The following ARSG variants were observed in gnomAD, a reference collection of about 807,000 sequenced individuals.
The protein encoded by ARSG is ASG.
Under a neutral mutation model 50.5 loss-of-function variants are expected in ARSG, and 37 were observed. The ratio of observed to expected loss-of-function variants is 0.73; its 90% CI spans 0.56 to 0.96. The LOEUF (loss-of-function observed/expected upper bound fraction) is 0.96. Among genes scored for constraint, ARSG ranks in the 50% least tolerant of loss-of-function variants. The pLI, the probability that ARSG is intolerant of heterozygous loss-of-function variation, is 0.00. For synonymous variants in ARSG, 225 were observed against 254.6 expected (o/e 0.88, Z 1.11); for missense variants, 629 against 675.3 (o/e 0.93, Z 0.76).
chr17:68,358,650 C>T (rs2079142517), intron 6 of ARSG, among the ~76,000 whole-genome samples: 2 of 151,856 alleles, frequency 1.3e-5, no homozygotes, highest in African/African-American at 2.4e-5. Flanking sequence ...GATTGTGCCA[C>T]CGCACTCCAG....
At chr17:68,321,754 T>C (rs139831843) in intron 2 of ARSG, among the ~76,000 whole-genome samples, 42 of 152,322 alleles carry the variant, frequency 2.8e-4, no homozygotes, top group African/African-American at 1.0e-3. Flanking sequence ...TAATTTGCGT[T>C]GATTTTCTTG....
At chr17:68,440,214 A>G in the ARSG span, among the ~76,000 whole-genome samples, 5 of 152,326 alleles carry the variant, frequency 3.3e-5, no homozygotes, top group East Asian at 1.9e-4. Context: ...TCCTACCCTT[A>G]CAGACTTAAT....
In ARSG at chr17:68,272,940, G is replaced by A. The variant is rs530730269; in HGVS notation, c.-552+13514G>A. Among the ~76,000 whole-genome samples the A allele has an allele frequency of 4.6e-5, 7 of 151,996 alleles. No individual in the cohort carries two copies. The South Asian group carries it at 1.5e-3, about 32-fold the overall frequency. On this transcript the variant is annotated intron_variant, in intron 1 of 11. Coordinates refer to the ARSG transcript ENST00000448504. ...GCAAAGAAAAATGGGTTTCATTAAC[G>A]GTCTGGATAAACTTCAGTGGTTGTT... is the stretch of plus-strand genomic sequence containing the variant.
At chr17:68,424,469 A>G, downstream of ARSG, 1 of 534,832 alleles carries the variant, frequency 1.9e-6, no homozygotes, top group African/African-American at 1.9e-5. Flanking sequence ...CTCAATGGAC[A>G]CAAAACAATG....
At chr17:68,276,381 A>C (rs1159086306) in intron 1 of ARSG, among the ~76,000 whole-genome samples, 1 of 152,224 alleles carries the variant, frequency 6.6e-6, no homozygotes, top group African/African-American at 2.4e-5. Context: ...AACTTCAGAG[A>C]TAACAGTTCC....
At chr17:68,290,880 C>A (rs1336798331), upstream of ARSG, among the ~76,000 whole-genome samples, 1 of 150,792 alleles carries the variant, frequency 6.6e-6, no homozygotes, top group African/African-American at 2.4e-5. Flanking sequence ...CTACCCACAC[C>A]GGCGCGAGCG....
In ARSG at chr17:68,271,707, A is replaced by G; in HGVS notation, c.-552+12281A>G. 7.1e-7 allele frequency: 1 copy of G among 1,409,962 alleles called. No individual in the cohort carries two copies. The allele number at this position is 1,409,962 out of a possible 1,614,324, so 87.3% of individuals were successfully genotyped here. ...TAATATAAGGTCAATAATGGACTCA[A>G]GACCCAGGAGAAGCCATCAAGAAGA... On this transcript the variant is annotated intron_variant, in intron 1 of 11. Coordinates refer to the ARSG transcript ENST00000448504. The surrounding 1 kb of genome is among the most constrained non-coding windows in gnomAD (Gnocchi z 5.3).
chr17:68,319,628 C>G (rs996836516), intron 2 of ARSG, among the ~76,000 whole-genome samples: 4 of 152,166 alleles, frequency 2.6e-5, no homozygotes, highest in Non-Finnish European at 5.9e-5. Flanking sequence ...ATTAATAGTT[C>G]CTCTTTTAAG....
chr17:68,447,279 T>C, the ARSG span, among the ~76,000 whole-genome samples: 1 of 152,230 alleles, frequency 6.6e-6, no homozygotes, highest in South Asian at 2.1e-4. Flanking sequence ...ACAGCTGTCT[T>C]GATTCCATAA....
At chr17:68,265,534 T>G (rs1174322470) in intron 1 of ARSG, among the ~76,000 whole-genome samples, 1 of 152,174 alleles carries the variant, frequency 6.6e-6, no homozygotes, top group Non-Finnish European at 1.5e-5. Flanking sequence ...CTGCTTGATC[T>G]TTCCTATTTT....
At chr17:68,394,289 T>G (rs1033981172) in intron 9 of ARSG, among the ~76,000 whole-genome samples, 3 of 152,104 alleles carry the variant, frequency 2.0e-5, no homozygotes, top group South Asian at 4.1e-4. Context: ...ATTACATTTG[T>G]GAGTGGAAGA....
the ARSG span, among the ~76,000 whole-genome samples, chr17:68,436,224 C>A: frequency 6.6e-6 from 1 of 152,136 alleles, no homozygotes; most frequent in Non-Finnish European, 1.5e-5. Flanking sequence ...CACAGCAAGC[C>A]CGAGGGGAAA....
Position 68,420,315 on chromosome 17 carries a change from C to A in ARSG, c.1430C>A (p.Ala477Asp), listed in dbSNP as rs1460597077. ...PLERGGAEYQ[A>D]VLPEVRKVLA... ...GAAAGAGGTGGTGCGGAGTACCAGGCTGTGCTGCCCGAGGTCAGAAAGGTT... is the reference window on the plus strand; with the variant it reads ...GAAAGAGGTGGTGCGGAGTACCAGGATGTGCTGCCCGAGGTCAGAAAGGTT... Residue 477 changes from alanine to aspartate, a missense_variant, in exon 12 of 12, where the codon GCT (alanine) becomes GAT (aspartate). Transcript: ENST00000621439. 1 of 1,614,170 alleles carries A rather than the reference C, an allele frequency of 6.2e-7. No homozygotes were observed. Among genetic ancestry groups the A allele is most frequent in the Admixed American group, 1.7e-5 (1 of 60,016 alleles).
At chr17:68,391,536 T>C (rs1049026492) in intron 9 of ARSG, among the ~76,000 whole-genome samples, 1 of 152,092 alleles carries the variant, frequency 6.6e-6, no homozygotes. Context: ...GGAAATCAGA[T>C]GGAAAAAGAA....
chr17:68,327,534 C>T (rs2077555302), intron 2 of ARSG, among the ~76,000 whole-genome samples: 2 of 152,148 alleles, frequency 1.3e-5, no homozygotes, highest in Non-Finnish European at 2.9e-5. Flanking sequence ...CTGTGTGTCT[C>T]TGTGTCTTCG....
At chr17:68,325,242 G>T (rs1466066945) in intron 2 of ARSG, among the ~76,000 whole-genome samples, 2 of 152,020 alleles carry the variant, frequency 1.3e-5, no homozygotes, top group Non-Finnish European at 2.9e-5. Context: ...GAGCCCTATT[G>T]TGAACTGCCC....
chr17:68,283,393 C>T (rs1477430638), intron 1 of ARSG, among the ~76,000 whole-genome samples: 4 of 151,770 alleles, frequency 2.6e-5, no homozygotes, highest in Non-Finnish European at 5.9e-5. Context: ...TGGTGGCGGG[C>T]GCCTGTAGTC....
chr17:68,398,962 C>A (rs1020495548), intron 10 of ARSG, among the ~76,000 whole-genome samples: 3 of 152,208 alleles, frequency 2.0e-5, no homozygotes, highest in African/African-American at 7.2e-5. Context: ...CCACTTTGTG[C>A]TTTCCTGGCT....
chr17:68,362,418 C>T (rs895303918), intron 6 of ARSG, among the ~76,000 whole-genome samples: 1 of 152,068 alleles, frequency 6.6e-6, no homozygotes, highest in Non-Finnish European at 1.5e-5. Flanking sequence ...TCGAACGTCT[C>T]CCCCAGGGCT....
Sources: allele counts gnomAD v4.1 joint callset (sites outside exome capture counted in the v4.1 genomes callset), GRCh38; gene constraint gnomAD v4.1.1; non-coding constraint Gnocchi (gnomAD v3.1); transcripts MANE v1.5; gene names NCBI Gene and HGNC (gene_info 2026-07-23, HGNC 2026-07-21).